Variants in PHACTR3 observed in about 807,000 individuals in gnomAD.
The protein encoded by PHACTR3 is protein phosphatase 1, regulatory subunit 123.
In PHACTR3, 16 loss-of-function variants were observed where a neutral mutation model predicts 66.8. That is an observed-to-expected ratio of 0.24 (90% CI 0.16 to 0.36). The LOEUF (loss-of-function observed/expected upper bound fraction) is 0.36. Among genes scored for constraint, PHACTR3 ranks in the 10% least tolerant of loss-of-function variants. PHACTR3 has a pLI of 1.00. For missense variants in PHACTR3, 647 were observed against 719.9 expected (o/e 0.90, Z 1.16); for synonymous variants, 323 against 292.1 (o/e 1.11, Z -1.08).
chr20:59,767,304 T>C lies in PHACTR3; in HGVS notation c.660T>C (p.Pro220=), dbSNP rs2040211340. 6.2e-7 allele frequency: 1 copy of C among 1,614,080 alleles called. No homozygotes were observed. The highest frequency in any genetic ancestry group is 8.5e-7 in the Non-Finnish European group (1 of 1,180,030). ...ACTCCCTGGACAGTCCTCCCAGACC[T>C]CTGGAGAGATCCGTGGGCCAGCTCC... ...GADSLDSPPR[P]LERSVGQLPS... is the part of the protein sequence containing the mutation. Residue 220 remains proline (P), a synonymous_variant, in exon 5 of 13, where the codon CCT becomes CCC. Transcript: ENST00000371015.
At chr20:59,784,732 G>C (rs1302351372) in intron 7 of PHACTR3, among the ~76,000 whole-genome samples, 2 of 152,220 alleles carry the variant, frequency 1.3e-5, no homozygotes, top group Non-Finnish European at 2.9e-5. Context: ...TCCTGGCTAT[G>C]TGGCCTTGGG....
intron 1 of PHACTR3, among the ~76,000 whole-genome samples, chr20:59,623,001 A>AAAAAAAAAAAAAAAAAAAAAAAAT (rs1568940633): frequency 6.9e-6 from 1 of 144,896 alleles, no homozygotes; most frequent in Non-Finnish European, 1.5e-5. Context: ...AAAAAAAAAA[A>AAAAAAAAAAAAAAAAAAAAAAAAT]CCCAAATCTT....
chr20:59,680,661 G>T (rs2036610340), intron 1 of PHACTR3, among the ~76,000 whole-genome samples: 1 of 148,750 alleles, frequency 6.7e-6, no homozygotes, highest in Admixed American at 6.7e-5. Flanking sequence ...AGTGTTATGA[G>T]ATTTTTTTTT....
At chr20:59,623,385 G>A (rs1449311494) in intron 1 of PHACTR3, among the ~76,000 whole-genome samples, 1 of 152,086 alleles carries the variant, frequency 6.6e-6, no homozygotes, top group African/African-American at 2.4e-5. Flanking sequence ...TAAATGATAT[G>A]ATCTGTCACA....
intron 7 of PHACTR3, among the ~76,000 whole-genome samples, chr20:59,786,209 C>T (rs942851800): frequency 2.0e-5 from 3 of 152,258 alleles, no homozygotes; most frequent in Non-Finnish European, 4.4e-5. Flanking sequence ...GCAGGCTAGC[C>T]TGGTGTCTGG....
chr20:59,749,111 C>T (rs561492156), intron 3 of PHACTR3, among the ~76,000 whole-genome samples: 5 of 152,260 alleles, frequency 3.3e-5, no homozygotes, highest in East Asian at 1.9e-4. Context: ...AGATGGTTAA[C>T]GCCGTCGTGA....
intron 1 of PHACTR3, among the ~76,000 whole-genome samples, chr20:59,711,366 GA>G (rs2037909747): frequency 6.6e-6 from 1 of 152,146 alleles, no homozygotes; most frequent in Non-Finnish European, 1.5e-5. Context: ...CGTTTTCTCA[GA>G]AAGGTGGTAT....
chr20:59,757,304 A>G (rs1010520404), intron 4 of PHACTR3, among the ~76,000 whole-genome samples: 1 of 152,142 alleles, frequency 6.6e-6, no homozygotes, highest in African/African-American at 2.4e-5. Context: ...CTGACCTCAG[A>G]CACGCTCCCG....
At chr20:59,578,650 C>T (rs6100510) in intron 1 of PHACTR3, among the ~76,000 whole-genome samples, 76,796 of 152,026 alleles carry the variant, frequency 0.51, 22,890 homozygotes, top group African/African-American at 0.8. Context: ...CTAAGCATCC[C>T]GCACTGCCAG....
intron 8 of PHACTR3, among the ~76,000 whole-genome samples, chr20:59,832,369 T>C (rs1397807234): frequency 1.3e-5 from 2 of 152,234 alleles, no homozygotes; most frequent in Non-Finnish European, 2.9e-5. Flanking sequence ...CTTTTATGTA[T>C]ACTTAGGGTA....
At chr20:59,777,807 G>T (rs1432470351) in intron 7 of PHACTR3, among the ~76,000 whole-genome samples, 2 of 152,244 alleles carry the variant, frequency 1.3e-5, no homozygotes, top group South Asian at 4.1e-4. Flanking sequence ...AGCACCTGTT[G>T]GTTGTGTGGC....
At chr20:59,839,007 C>A (rs1329521221) in intron 9 of PHACTR3, among the ~76,000 whole-genome samples, 1 of 150,946 alleles carries the variant, frequency 6.6e-6, no homozygotes, top group Non-Finnish European at 1.5e-5. Context: ...CTGCTGGTGA[C>A]CTTCGTAGTA....
intron 1 of PHACTR3, among the ~76,000 whole-genome samples, chr20:59,685,489 T>C (rs1381152705): frequency 6.6e-6 from 1 of 152,210 alleles, no homozygotes; most frequent in Non-Finnish European, 1.5e-5. Flanking sequence ...GGTAGGGTTG[T>C]TCTGAAGGTT....
chr20:59,657,365 A>T (rs2035657000), intron 1 of PHACTR3, among the ~76,000 whole-genome samples: 1 of 152,030 alleles, frequency 6.6e-6, no homozygotes, highest in African/African-American at 2.4e-5. Context: ...GCTGTCTTTC[A>T]TAATTACATC....
At chr20:59,772,809 T>G (rs1448183281) in intron 5 of PHACTR3, among the ~76,000 whole-genome samples, 1 of 152,164 alleles carries the variant, frequency 6.6e-6, no homozygotes, top group East Asian at 1.9e-4. Flanking sequence ...GCCCAGAAAT[T>G]TATTCCTTAC....
intron 1 of PHACTR3, among the ~76,000 whole-genome samples, chr20:59,676,101 G>C (rs538010887): frequency 2.0e-5 from 3 of 152,224 alleles, no homozygotes; most frequent in Non-Finnish European, 2.9e-5. Context: ...GCCGCCTCAG[G>C]ACTCTGCATG....
intron 1 of PHACTR3, among the ~76,000 whole-genome samples, chr20:59,686,527 A>T (rs2036866469): frequency 6.6e-6 from 1 of 151,606 alleles, no homozygotes; most frequent in Non-Finnish European, 1.5e-5. Flanking sequence ...TGTGATGTTG[A>T]TGGTGATGAT....
At chr20:59,827,400 G>C (rs1005918256) in intron 8 of PHACTR3, among the ~76,000 whole-genome samples, 6 of 152,216 alleles carry the variant, frequency 3.9e-5, no homozygotes, top group Admixed American at 3.9e-4. Context: ...ACCCTGGGCA[G>C]GGCAGTCTAG....
At chr20:59,583,600 C>T (rs1568915357) in intron 1 of PHACTR3, among the ~76,000 whole-genome samples, 1 of 152,246 alleles carries the variant, frequency 6.6e-6, no homozygotes, top group Non-Finnish European at 1.5e-5. Context: ...TCCCAACAAC[C>T]CCAGGGTGCT....
Sources: gnomAD v4.1 joint callset for allele counts (sites outside exome capture counted in the v4.1 genomes callset) on GRCh38, gnomAD v4.1.1 for gene constraint, MANE v1.5 for transcripts, NCBI Gene and HGNC (gene_info 2026-07-23, HGNC 2026-07-21) for gene names.